Variants in NDRG3 observed in about 807,000 individuals in gnomAD.
NDRG3 encodes NDRG family member 3.
A neutral mutation model predicts 57.2 loss-of-function variants in NDRG3; 23 were observed. The ratio of observed to expected loss-of-function variants is 0.40; its 90% confidence interval spans 0.29 to 0.57. The LOEUF (loss-of-function observed/expected upper bound fraction) is 0.57. Among genes scored for constraint, NDRG3 ranks in the 20% least tolerant of loss-of-function variants. The pLI, the probability that NDRG3 is intolerant of heterozygous loss-of-function variation, is 0.42. For synonymous variants in NDRG3, 132 were observed against 162.6 expected, an observed-to-expected ratio of 0.81 and a Z score of 1.43; for missense variants, 384 against 457.3, an observed-to-expected ratio of 0.84 and a Z score of 1.46.
chr20:36,689,757 G>T (rs113497639), intron 3 of NDRG3, among the ~76,000 whole-genome samples: 1 of 139,286 alleles, frequency 7.2e-6, no homozygotes, highest in East Asian at 2.1e-4. Context: ...GTCTCGCTCC[G>T]TCACCCAGGC....
At position 36,660,111 on chromosome 20, in the gene NDRG3, C is replaced by T. The variant is rs8114596; in HGVS notation, c.858+226G>A. 2.6e-3 allele frequency among the ~76,000 whole-genome samples: 390 copies of T among 151,706 alleles called. 1 individual carries two copies. Among genetic ancestry groups the T allele is most frequent in the African/African-American group, 8.1e-3 (337 of 41,428 alleles). On this transcript the variant is annotated intron_variant, in intron 13 of 15. Transcript: ENST00000349004. ...TAGTCCCAGCTACTCAGGAGGCTGACGCAGGAGAATTGCTTGAACCCGAGA... is the reference window on the plus strand; with the variant it reads ...TAGTCCCAGCTACTCAGGAGGCTGATGCAGGAGAATTGCTTGAACCCGAGA...
At chr20:36,703,762 T>C (rs1274282560) in intron 3 of NDRG3, among the ~76,000 whole-genome samples, 2 of 152,146 alleles carry the variant, frequency 1.3e-5, no homozygotes, top group African/African-American at 2.4e-5. Context: ...TTTCTGTTTG[T>C]ATCAGAACAG....
chr20:36,667,302 C>T (rs80207858), intron 9 of NDRG3, among the ~76,000 whole-genome samples: 4,191 of 151,952 alleles, frequency 0.028, 182 homozygotes, highest in African/African-American at 0.095. Flanking sequence ...GGACTCACTA[C>T]GCTGCTCAGG....
chr20:36,684,416 A>C lies in NDRG3; in HGVS notation c.380T>G (p.Leu127Arg). Residue 127 changes from leucine (L) to arginine (R), a missense_variant, in exon 6 of 16, where the codon CTA becomes CGA. Physicochemically the swap from Leu to Arg is moderately radical, Grantham distance 102 (BLOSUM62 -2). Coordinates refer to ENST00000349004, the MANE Select transcript of NDRG3 (RefSeq NM_032013.4). ...AEMLPPVLTH[L>R]SLKSIIGIGV... ...AAAGACTGCAGAATGAACCTACCTTAGGTGGGTAAGAACAGGAGGCAGCAT... is the reference window on the plus strand; with the variant it reads ...AAAGACTGCAGAATGAACCTACCTTCGGTGGGTAAGAACAGGAGGCAGCAT... 6.2e-7 allele frequency: 1 copy of C among 1,613,582 alleles called. No homozygotes were observed. The highest frequency in any genetic ancestry group is 8.5e-7 in the Non-Finnish European group (1 of 1,179,488).
Position 36,662,415 on chromosome 20 carries a change from G to A in NDRG3, c.811-2031C>T, listed in dbSNP as rs185707407. ...GTATTTTTAGTAGAGACAGGGTTTC[G>A]CCATGTTGGCCAGGCTGGAACTCCT... On this transcript the variant is annotated intron_variant, in intron 12 of 15. Coordinates refer to ENST00000349004, the MANE Select transcript of NDRG3 (RefSeq NM_032013.4). 4.6e-5 allele frequency among the ~76,000 whole-genome samples: 7 copies of A among 151,966 alleles called. No homozygotes were observed. In the East Asian group the frequency reaches 7.7e-4, roughly 17 times the overall value.
chr20:36,686,650 C>G (rs1385619807), intron 5 of NDRG3, among the ~76,000 whole-genome samples: 2 of 152,136 alleles, frequency 1.3e-5, no homozygotes, highest in African/African-American at 4.8e-5. Context: ...CTCTGCCCTG[C>G]GAAGCAGATG....
At chr20:36,689,718 T>C (rs1982096765) in intron 3 of NDRG3, among the ~76,000 whole-genome samples, 1 of 2,546 alleles carries the variant, frequency 3.9e-4, no homozygotes, top group African/African-American at 6.6e-3. Flanking sequence ...AACTAAGAGA[T>C]TTTTTTTTTT....
rs1336493892 is a variant in NDRG3 at position 36,654,811 on chromosome 20, G to A, written c.947-1110C>T. The A allele has an allele frequency of 3.8e-6, 3 of 779,712 alleles. No individual in the cohort carries two copies. In the East Asian group the frequency reaches 7.3e-5, roughly 19 times the overall value. The allele number at this position is 779,712 out of a possible 1,614,324, so 48.3% of individuals were successfully genotyped here. ...CACAGAGGAAGGTACCTGACTCGGT[G>A]CTCAGGTGACTGAGCTGCACATACG... On this transcript the variant is annotated intron_variant, in intron 15 of 15. Transcript: ENST00000349004.
chr20:36,668,411 CT>C (rs1346468832), intron 9 of NDRG3: 3 of 152,314 alleles, frequency 2.0e-5, no homozygotes, highest in African/African-American at 7.2e-5. Context: ...CACATCCTTG[CT>C]AGTACAAACG....
chr20:36,662,193 C>T (rs1979259548), intron 12 of NDRG3, among the ~76,000 whole-genome samples: 1 of 151,754 alleles, frequency 6.6e-6, no homozygotes, highest in Admixed American at 6.6e-5. Flanking sequence ...AGTCTTGATA[C>T]CTAGTAGAAC....
chr20:36,723,274 G>T (rs1396412198), intron 1 of NDRG3, among the ~76,000 whole-genome samples: 1 of 152,208 alleles, frequency 6.6e-6, no homozygotes, highest in Non-Finnish European at 1.5e-5. Context: ...ACAAGTTGGA[G>T]AGAGGTAGGC....
rs180923840 is a variant in NDRG3, at chr20:36,708,702, A to G, written c.58-1695T>C. Among the ~76,000 whole-genome samples the G allele has an allele frequency of 2.6e-4, 39 of 151,856 alleles. No homozygotes were observed. The South Asian group carries it at 5.2e-3, about 20-fold the overall frequency. ...AAAAGAAATAGTTCTTTGGGATCCC[A>G]CCAACTACACTGCTGGCTGGACAAA... is the stretch of plus-strand genomic sequence containing the variant. On this transcript the variant is annotated intron_variant, in intron 2 of 15. Transcript: ENST00000349004.
intron 1 of NDRG3, among the ~76,000 whole-genome samples, chr20:36,734,234 T>G (rs1479163562): frequency 6.7e-6 from 1 of 149,842 alleles, no homozygotes; most frequent in Non-Finnish European, 1.5e-5. Context: ...TGACATGGAC[T>G]GACCAAAATA....
Position 36,721,761 on chromosome 20 carries a change from A to G in NDRG3, c.-26T>C. 2.0e-6 allele frequency: 3 copies of G among 1,535,354 alleles called. No individual in the cohort carries two copies. The highest frequency in any genetic ancestry group is 2.7e-6 in the Non-Finnish European group (3 of 1,117,302). On this transcript the variant is annotated 5_prime_UTR_variant, in exon 2 of 16. Transcript: ENST00000349004. ...GAGGTCAGATAACGAGAGTAGAGGAATCTCAAGAATAAATCAGTAACTCTG... is the reference window on the plus strand; with the variant it reads ...GAGGTCAGATAACGAGAGTAGAGGAGTCTCAAGAATAAATCAGTAACTCTG...
chr20:36,671,629 T>C (rs921481344), intron 8 of NDRG3, among the ~76,000 whole-genome samples: 9 of 152,138 alleles, frequency 5.9e-5, no homozygotes, highest in African/African-American at 2.2e-4. Context: ...GGTGAAACCC[T>C]GTCTCTACTA....
chr20:36,707,618 T>A (rs112143230), intron 2 of NDRG3, among the ~76,000 whole-genome samples: 3,129 of 152,152 alleles, frequency 0.021, 116 homozygotes, highest in African/African-American at 0.072. Context: ...AAAGGACAAG[T>A]CATTGAATCA....
intron 2 of NDRG3, among the ~76,000 whole-genome samples, chr20:36,714,216 C>A (rs1984083710): frequency 6.6e-6 from 1 of 151,598 alleles, no homozygotes; most frequent in Non-Finnish European, 1.5e-5. Flanking sequence ...ACCAGCCTGG[C>A]CAAGATGGTG....
At chr20:36,659,908 A>AT (rs760971552) in intron 13 of NDRG3, among the ~76,000 whole-genome samples, 1 of 150,430 alleles carries the variant, frequency 6.6e-6, no homozygotes, top group Non-Finnish European at 1.5e-5. Flanking sequence ...CAAAAGGATT[A>AT]TTTTAAAAAG....
At chr20:36,725,021 C>T (rs141463992) in intron 1 of NDRG3, among the ~76,000 whole-genome samples, 171 of 152,082 alleles carry the variant, frequency 1.1e-3, no homozygotes, top group African/African-American at 3.6e-3. Context: ...ATCGGCCGGG[C>T]GCAGTGGCTC....
Sources: gnomAD v4.1 joint callset for allele counts (sites outside exome capture counted in the v4.1 genomes callset) on GRCh38, gnomAD v4.1.1 for gene constraint, MANE v1.5 for transcripts, NCBI Gene and HGNC (gene_info 2026-07-23, HGNC 2026-07-21) for gene names.